The following KAZN variants were observed in gnomAD, a reference collection of about 807,000 sequenced individuals.
KAZN encodes kazrin.
A neutral mutation model predicts 87.4 loss-of-function variants in KAZN; 40 were observed. That is an observed-to-expected ratio of 0.46 (90% CI 0.36 to 0.60). The LOEUF is 0.60. Among genes scored for constraint, KAZN ranks in the 20% least tolerant of loss-of-function variants. The probability of loss-of-function intolerance (pLI) is 0.00; values close to 1 mark genes in which losing one functional copy is unlikely to be tolerated. For synonymous variants in KAZN, 466 were observed against 458.3 expected (o/e 1.02, Z -0.22); for missense variants, 898 against 1,073.9 (o/e 0.84, Z 2.29).
intron 2 of KAZN, among the ~76,000 whole-genome samples, chr1:14,989,797 G>A (rs1218137306): frequency 6.6e-6 from 1 of 152,192 alleles, no homozygotes; most frequent in African/African-American, 2.4e-5. Flanking sequence ...CTTGCTACCT[G>A]GTCTGTAGCT....
In KAZN at chr1:15,066,162, TC is replaced by T; in HGVS notation, c.1222+414del. On this transcript the variant is annotated intron_variant, in intron 8 of 14. Transcript: ENST00000376030. This position sits in a 1 kb window ranked among gnomAD's most constrained non-coding sequence, Gnocchi z 4.3. ...CGGTTTGTTTTTGTTTTTGTTTTTT[TC>T]CCCCTTTCTCCTCCCCTCCTCCTTT... 1 of 1,018,206 alleles carries T rather than the reference TC, an allele frequency of 9.8e-7. No homozygotes were observed. The highest frequency in any genetic ancestry group is 1.2e-6 in the Non-Finnish European group (1 of 851,772). 63.1% of individuals were successfully genotyped at this position (1,018,206 alleles called of 1,614,324 possible).
intron 1 of KAZN, among the ~76,000 whole-genome samples, chr1:14,723,033 G>A (rs1643197195): frequency 6.6e-6 from 1 of 152,110 alleles, no homozygotes; most frequent in African/African-American, 2.4e-5. Flanking sequence ...GGCTGAGGCA[G>A]TAGGATCACT....
At chr1:14,541,721 C>T (rs1672824826) in intron 2 of KAZN, among the ~76,000 whole-genome samples, 1 of 152,214 alleles carries the variant, frequency 6.6e-6, no homozygotes, top group Non-Finnish European at 1.5e-5. Context: ...GTGTTTCTGT[C>T]TGTTCCAGCC....
At chr1:14,938,417 C>CT (rs1660694727) in intron 1 of KAZN, among the ~76,000 whole-genome samples, 1 of 152,040 alleles carries the variant, frequency 6.6e-6, no homozygotes, top group Admixed American at 6.6e-5. Context: ...TGGTGGACAC[C>CT]TGTAATCCTA....
chr1:14,824,527 G>A (rs1488420338), intron 1 of KAZN, among the ~76,000 whole-genome samples: 4 of 152,214 alleles, frequency 2.6e-5, no homozygotes, highest in African/African-American at 9.6e-5. Context: ...GGGAGGAAAT[G>A]ACACAGGTTT....
chr1:14,091,034 C>G (rs1017915137), intron 1 of KAZN, among the ~76,000 whole-genome samples: 7 of 150,228 alleles, frequency 4.7e-5, no homozygotes, highest in Admixed American at 4.0e-4. Flanking sequence ...ATTGCTTGAA[C>G]CCAGGAGGCA....
chr1:14,568,547 G>T (rs547977568), intron 2 of KAZN, among the ~76,000 whole-genome samples: 29 of 152,144 alleles, frequency 1.9e-4, no homozygotes, highest in Non-Finnish European at 3.4e-4. Context: ...ATCAGATCTC[G>T]TGAGACTTAT....
intron 1 of KAZN, among the ~76,000 whole-genome samples, chr1:14,752,170 A>G (rs1307969320): frequency 6.6e-6 from 1 of 152,194 alleles, no homozygotes; most frequent in Non-Finnish European, 1.5e-5. Flanking sequence ...TAATCTATTC[A>G]TGAAGAATCT....
intron 2 of KAZN, among the ~76,000 whole-genome samples, chr1:14,548,319 C>T (rs1673296861): frequency 6.6e-6 from 1 of 151,934 alleles, no homozygotes; most frequent in Non-Finnish European, 1.5e-5. Context: ...CTGCCTCAGC[C>T]TCCCAAGTAG....
chr1:15,106,690 T>G (rs1426472306), intron 13 of KAZN, among the ~76,000 whole-genome samples: 1 of 152,084 alleles, frequency 6.6e-6, no homozygotes, highest in Admixed American at 6.5e-5. Context: ...CAAGAGCTTA[T>G]GGGTCCCAAT....
intron 2 of KAZN, among the ~76,000 whole-genome samples, chr1:14,556,485 A>G (rs1022416844): frequency 7.9e-5 from 12 of 152,172 alleles, no homozygotes; most frequent in African/African-American, 2.7e-4. Context: ...ACAGGGACTC[A>G]TGGAGGTGTG....
At chr1:15,009,309 G>T (rs530891720) in intron 2 of KAZN, among the ~76,000 whole-genome samples, 1 of 152,202 alleles carries the variant, frequency 6.6e-6, no homozygotes, top group Non-Finnish European at 1.5e-5. Context: ...CCAGAATCCC[G>T]ACAGAAGAGA....
intron 1 of KAZN, among the ~76,000 whole-genome samples, chr1:14,644,658 G>T (rs560925635): frequency 6.6e-6 from 1 of 152,254 alleles, no homozygotes; most frequent in Admixed American, 6.5e-5. Flanking sequence ...ACCGTGCCGG[G>T]CCTTCTCTTG....
At chr1:14,419,019 T>C (rs1032891578) in intron 2 of KAZN, among the ~76,000 whole-genome samples, 3 of 152,202 alleles carry the variant, frequency 2.0e-5, no homozygotes, top group Non-Finnish European at 4.4e-5. Context: ...CAACGAGTGT[T>C]CAATAAGCAC....
intron 1 of KAZN, among the ~76,000 whole-genome samples, chr1:14,005,158 A>G (rs1474989956): frequency 6.6e-6 from 1 of 152,212 alleles, no homozygotes; most frequent in Non-Finnish European, 1.5e-5. Context: ...ATATTACTTT[A>G]AAAAGGAAAA....
At chr1:14,912,898 A>G (rs1557613982) in intron 1 of KAZN, among the ~76,000 whole-genome samples, 1 of 152,322 alleles carries the variant, frequency 6.6e-6, no homozygotes, top group Non-Finnish European at 1.5e-5. Flanking sequence ...TAAAATGGGT[A>G]TAAGAACAAA....
chr1:14,462,686 G>A (rs1332604196), intron 2 of KAZN, among the ~76,000 whole-genome samples: 1 of 152,264 alleles, frequency 6.6e-6, no homozygotes, highest in South Asian at 2.1e-4. Flanking sequence ...GGAAGATAAG[G>A]AGGAGCAAAG....
chr1:14,604,503 A>G (rs560305539), intron 1 of KAZN, among the ~76,000 whole-genome samples: 18 of 152,288 alleles, frequency 1.2e-4, no homozygotes, highest in Non-Finnish European at 2.1e-4. Flanking sequence ...CGACACCAGA[A>G]CATTCTTGCT....
intron 2 of KAZN, among the ~76,000 whole-genome samples, chr1:14,259,175 G>T (rs554707512): frequency 6.6e-6 from 1 of 152,024 alleles, no homozygotes. Flanking sequence ...CATGCATGCC[G>T]GGCCCTCCTG....
Sources: allele counts gnomAD v4.1 joint callset (sites outside exome capture counted in the v4.1 genomes callset), GRCh38; gene constraint gnomAD v4.1.1; non-coding constraint Gnocchi (gnomAD v3.1); transcripts MANE v1.5; gene names NCBI Gene and HGNC (gene_info 2026-07-23, HGNC 2026-07-21).